Variants in NCBP3 observed in about 807,000 individuals in gnomAD.
The protein encoded by NCBP3 is nuclear cap-binding protein subunit 3.
A neutral mutation model predicts 75.7 loss-of-function variants in NCBP3; 20 were observed. The ratio of observed to expected loss-of-function variants is 0.26; its 90% confidence interval spans 0.19 to 0.38. The LOEUF (loss-of-function observed/expected upper bound fraction) is 0.38, where lower values mean the gene tolerates loss of function less well. NCBP3 is among the 10% of genes least tolerant of loss of function. The probability of loss-of-function intolerance (pLI) is 1.00; values close to 1 mark genes in which losing one functional copy is unlikely to be tolerated. For missense variants in NCBP3, 678 were observed against 796.9 expected, an observed-to-expected ratio of 0.85 and a Z score of 1.80; for synonymous variants, 293 against 290.5, an observed-to-expected ratio of 1.01 and a Z score of -0.09.
intron 1 of NCBP3, among the ~76,000 whole-genome samples, chr17:3,845,644 T>C (rs2054149350): frequency 1.3e-5 from 2 of 152,198 alleles, no homozygotes; most frequent in Admixed American, 1.3e-4. Flanking sequence ...CAAGGAGACC[T>C]GGTTGCTGGC....
Position 3,826,295 on chromosome 17 carries a change from T to C in NCBP3, c.482-80A>G, listed in dbSNP as rs544447428. On this transcript the variant is annotated intron_variant, in intron 4 of 12. Transcript: ENST00000389005. ...GAGAGCAGATTCTGCATCGCATTCA[T>C]CACTACAGCCTCATCTAGCAACAGA... The C allele has an allele frequency of 3.6e-4, 484 of 1,328,694 alleles. 2 individuals carry two copies. In the African/African-American group the frequency reaches 6.3e-3, roughly 17 times the overall value. 82.3% of individuals were successfully genotyped at this position (1,328,694 alleles called of 1,614,324 possible). A position where few individuals can be genotyped will look rare whatever the true frequency, so the allele number is the denominator to read the frequency against.
Position 3,818,296 on chromosome 17 carries a change from GCATA to G in NCBP3, c.1273_1276del (p.Tyr425LeufsTer8). On this transcript the variant is annotated frameshift_variant, in exon 10 of 13. Coordinates refer to ENST00000389005, the MANE Select transcript of NCBP3 (RefSeq NM_001114118.3). LOFTEE classifies it high-confidence loss of function. This position sits in a 1 kb window ranked among gnomAD's most constrained non-coding sequence, Gnocchi z 4.7. Reference sequence around the variant, plus strand: ...TTTCAACTGAGATTCCACTTCGTCAGCATACATAGTCATTTTCATGCTTTTCTTT... The same window carrying G: ...TTTCAACTGAGATTCCACTTCGTCAGCATAGTCATTTTCATGCTTTTCTTT... The G allele has an allele frequency of 6.2e-7, 1 of 1,611,912 alleles. No individual in the cohort carries two copies. The highest frequency in any genetic ancestry group is 8.5e-7 in the Non-Finnish European group (1 of 1,178,738).
Position 3,827,533 on chromosome 17 carries a change from G to A in NCBP3, c.482-1318C>T, listed in dbSNP as rs2053810216. Among the ~76,000 whole-genome samples the A allele has an allele frequency of 3.3e-5, 5 of 152,344 alleles. No individual in the cohort carries two copies. The South Asian group carries it at 1.0e-3, about 32-fold the overall frequency. ...TAAGGAAGATAATTTAGCAAGAAAA[G>A]AGCTTTGAGAAATCTTACGGAAAAT... On this transcript the variant is annotated intron_variant, in intron 4 of 12. Transcript: ENST00000389005.
chr17:3,819,269 A>G (rs1464424133), intron 9 of NCBP3, among the ~76,000 whole-genome samples: 1 of 152,164 alleles, frequency 6.6e-6, no homozygotes, highest in African/African-American at 2.4e-5. Flanking sequence ...TTAAAGAGAA[A>G]CATATGGGCC....
chr17:3,819,985 C>T (rs1196809707), intron 9 of NCBP3, among the ~76,000 whole-genome samples: 1 of 152,176 alleles, frequency 6.6e-6, no homozygotes, highest in African/African-American at 2.4e-5. Context: ...CAAAGTCTTG[C>T]TCTGTCGCCC....
Position 3,805,590 on chromosome 17 carries a change from G to C in NCBP3, c.*7454C>G, listed in dbSNP as rs1217083728. On this transcript the variant is annotated 3_prime_UTR_variant, in exon 13 of 13. Coordinates refer to ENST00000389005, the MANE Select transcript of NCBP3 (RefSeq NM_001114118.3). ...CTGTGGGGGACTGCGGGGGTGATGG[G>C]ACAGGGAGAGAACAAGGAGTGGATT... 6.6e-6 allele frequency: 1 copy of C among 152,482 alleles called. No individual in the cohort carries two copies. Among genetic ancestry groups the C allele is most frequent in the African/African-American group, 2.4e-5 (1 of 41,454 alleles). 9.4% of individuals were successfully genotyped at this position (152,482 alleles called of 1,614,324 possible).
At chr17:3,817,974 C>A (rs980367499) in intron 10 of NCBP3, among the ~76,000 whole-genome samples, 1 of 152,112 alleles carries the variant, frequency 6.6e-6, no homozygotes, top group South Asian at 2.1e-4. Context: ...CATACACACA[C>A]ACACACACAC....
chr17:3,826,112 G>C lies in NCBP3; in HGVS notation c.585C>G (p.Asp195Glu), dbSNP rs1445662891. Reference protein sequence around the residue: ...DKIRSRDASEDKSAEKRKKDK... With the variant: ...DKIRSRDASEEKSAEKRKKDK... ...CTTTTTTCCTTTTCTCAGCTGACTT[G>C]TCCTCACTGGCATCCCTGCTTCTGA... is the stretch of plus-strand genomic sequence containing the variant. The change falls in exon 5 of 13, where the codon GAC becomes GAG. Residue 195 changes from aspartate to glutamate, a missense_variant. By Grantham distance (45) the Asp-to-Glu change is conservative (BLOSUM62 2). Transcript: ENST00000389005. 6.4e-7 allele frequency: 1 copy of C among 1,551,520 alleles called. No homozygotes were observed. Among genetic ancestry groups the C allele is most frequent in the Non-Finnish European group, 8.7e-7 (1 of 1,146,922 alleles).
rs1193992798 is a variant in NCBP3 at position 3,843,151 on chromosome 17, C to A, written c.184G>T (p.Asp62Tyr). The A allele has an allele frequency of 1.3e-6, 2 of 1,551,270 alleles. No homozygotes were observed. Among genetic ancestry groups the A allele is most frequent in the Non-Finnish European group, 1.7e-6 (2 of 1,146,866 alleles). The change falls in exon 2 of 13, where the codon GAC becomes TAC. Residue 62 changes from aspartate (D) to tyrosine (Y), a missense_variant and splice_region_variant. Physicochemically the swap from Asp to Tyr is radical, Grantham distance 160. Transcript: ENST00000389005. The stretch of plus-strand genomic sequence containing the variant: ...TTGTTTTCATATCTTCTGCTCGTGT[C>A]CTAACACAAAGGGGAAGGGTGAGAA... ...VRRSLKELIP[D>Y]TSRRYENKAG...
At chr17:3,825,939 T>G (rs2053775646) in intron 5 of NCBP3, 96 bp from the exon 6 acceptor site, 1 of 1,389,242 alleles carries the variant, frequency 7.2e-7, no homozygotes, top group African/African-American at 1.4e-5. Context: ...AAAAGTCCAG[T>G]ATTTTCTCCT....
At chr17:3,835,248 G>C (rs1323759693) in intron 3 of NCBP3, among the ~76,000 whole-genome samples, 2 of 152,234 alleles carry the variant, frequency 1.3e-5, no homozygotes, top group Non-Finnish European at 2.9e-5. Flanking sequence ...TGATGAGAAA[G>C]ACTGTTCTGA....
chr17:3,812,575 T>TGTAGA lies in NCBP3; in HGVS notation c.*468_*469insTCTAC. 6.9e-6 allele frequency: 7 copies of TGTAGA among 1,009,728 alleles called. No individual in the cohort carries two copies. In the Admixed American group the frequency reaches 1.6e-4, roughly 23 times the overall value. The allele number at this position is 1,009,728 out of a possible 1,614,324, so 62.5% of individuals were successfully genotyped here. On this transcript the variant is annotated 3_prime_UTR_variant, in exon 13 of 13. Transcript: ENST00000389005. ...GGTCCCGGAAGGGTGAGCTGGCCGCTTCCCTCCTCTTCCCCCTCGAAGGAT... is the reference window on the plus strand; with the variant it reads ...GGTCCCGGAAGGGTGAGCTGGCCGCTGTAGATCCCTCCTCTTCCCCCTCGAAGGAT...
intron 3 of NCBP3, 98 bp from the exon 4 acceptor site, chr17:3,829,466 T>C (rs2053841347): frequency 1.5e-6 from 2 of 1,321,968 alleles, no homozygotes; most frequent in Middle Eastern, 1.9e-4. Flanking sequence ...AACACGAGTT[T>C]AGAAAGAAAC....
chr17:3,838,274 A>G (rs1245510351), intron 3 of NCBP3, among the ~76,000 whole-genome samples: 1 of 152,264 alleles, frequency 6.6e-6, no homozygotes, highest in Non-Finnish European at 1.5e-5. Flanking sequence ...AATGAAAGGC[A>G]TGAGCCGTAT....
At chr17:3,826,827 C>T (rs1166143349) in intron 4 of NCBP3, among the ~76,000 whole-genome samples, 2 of 151,878 alleles carry the variant, frequency 1.3e-5, no homozygotes, top group African/African-American at 2.4e-5. Flanking sequence ...TCCTGGCTAA[C>T]ACGGTGAAAC....
intron 3 of NCBP3, among the ~76,000 whole-genome samples, chr17:3,835,885 G>A (rs2053964305): frequency 2.6e-5 from 4 of 152,164 alleles, no homozygotes; most frequent in Admixed American, 2.6e-4. Flanking sequence ...TCTGAATGCT[G>A]GCAGAGCAGT....
rs150380789 is a variant in NCBP3 at position 3,830,357 on chromosome 17, T to C, written c.356-989A>G. 7.9e-5 allele frequency among the ~76,000 whole-genome samples: 12 copies of C among 152,364 alleles called. No homozygotes were observed. The East Asian group carries it at 2.3e-3, about 29-fold the overall frequency. On this transcript the variant is annotated intron_variant, in intron 3 of 12. Coordinates refer to ENST00000389005, the MANE Select transcript of NCBP3 (RefSeq NM_001114118.3). ...TATGTGGTAAAAAATGAGATAATTA[T>C]ATACCACAGAAAGATTCTAAGATGT...
intron 7 of NCBP3, chr17:3,822,283 G>A (rs1475558783): frequency 7.3e-6 from 3 of 409,382 alleles, no homozygotes; most frequent in African/African-American, 2.1e-5. Context: ...TTTGGAGCCA[G>A]ATGACTTAAT....
At chr17:3,819,207 T>C (rs550655102) in intron 9 of NCBP3, among the ~76,000 whole-genome samples, 1 of 152,216 alleles carries the variant, frequency 6.6e-6, no homozygotes, top group Non-Finnish European at 1.5e-5. Context: ...ATAGGGCTAC[T>C]GGCTGTGAAC....
Sources: gnomAD v4.1 joint callset for allele counts (sites outside exome capture counted in the v4.1 genomes callset) on GRCh38, gnomAD v4.1.1 for gene constraint, Gnocchi (gnomAD v3.1) non-coding constraint, MANE v1.5 for transcripts, NCBI Gene and HGNC (gene_info 2026-07-23, HGNC 2026-07-21) for gene names.